FRMD7: variants seen among roughly 807,000 people sequenced by gnomAD.
FRMD7 encodes FERM domain containing 7.
Under a neutral mutation model 44.1 loss-of-function variants are expected in FRMD7, and 14 were observed. The observed-to-expected ratio is 0.32, with a 90% CI of 0.21 to 0.50. The LOEUF is 0.50. FRMD7 is among the 20% of genes least tolerant of loss of function. The pLI, the probability that FRMD7 is intolerant of heterozygous loss-of-function variation, is 0.99. For missense variants in FRMD7, 501 were observed against 522.3 expected (o/e 0.96, Z 0.40); for synonymous variants, 212 against 187.4 (o/e 1.13, Z -1.07).
At chrX:132,108,795 G>A (rs1569347013) in intron 1 of FRMD7, among the ~76,000 whole-genome samples, 1 of 111,100 alleles carries the variant, frequency 9.0e-6, no homozygotes, top group Non-Finnish European at 1.9e-5. Flanking sequence ...GATAGTGAGC[G>A]AGTCTCACAA....
chrX:132,100,839 G>A (rs978906316), intron 1 of FRMD7, 123 bp from the exon 2 acceptor site: 18 of 521,950 alleles, frequency 3.4e-5, no homozygotes, highest in Non-Finnish European at 4.7e-5. Flanking sequence ...CTGTTTAGAG[G>A]ACCTGCATCC....
At chrX:132,081,780 TTTATTA>T (rs995406195) in intron 9 of FRMD7, among the ~76,000 whole-genome samples, 3 of 112,170 alleles carry the variant, frequency 2.7e-5, no homozygotes, top group African/African-American at 9.7e-5. Flanking sequence ...TTTTTTTTAT[TTTATTA>T]TTATTATACT....
Position 132,127,820 on chromosome X carries a change from A to T in FRMD7, c.25T>A (p.Leu9Met). Residue 9 changes from leucine (L) to methionine (M), a missense_variant, in exon 1 of 12, where the codon TTG (leucine) becomes ATG (methionine). Around this residue, in one of 3 missense-constraint regions of FRMD7, gnomAD observed 24 missense variants for 21.6 expected, o/e 1.11. Coordinates refer to ENST00000298542, the MANE Select transcript of FRMD7 (RefSeq NM_194277.3). ...ACAAAAATCTTCTGGGAATCATCCA[A>T]AAACTGCACTTTTAAATGTAGCATT... MLHLKVQF[L>M]DDSQKIFVVD... The T allele has an allele frequency of 1.7e-6, 2 of 1,209,796 alleles. No individual in the cohort carries two copies.
intron 4 of FRMD7, among the ~76,000 whole-genome samples, chrX:132,096,716 CAAAA>C (rs34250894): frequency 7.2e-5 from 4 of 55,569 alleles, no homozygotes; most frequent in Admixed American, 2.6e-4. Context: ...GACCCTGTCT[CAAAA>C]AAAAAAAAAA....
In FRMD7 at chrX:132,078,351, T is replaced by C; in HGVS notation, c.1666A>G (p.Arg556Gly). 3 of 1,211,844 alleles carry C rather than the reference T, an allele frequency of 2.5e-6. No homozygotes were observed. Among genetic ancestry groups the C allele is most frequent in the Non-Finnish European group, 3.4e-6 (3 of 895,264 alleles). ...TTGATGTTGCTCCTACCGCTAGTCC[T>C]GGCTATAGCTTCTTGGAGTACTTGC... ...DLQVLQEAIA[R>G]TSGRSNINVG... Residue 556 changes from arginine to glycine, a missense_variant, in exon 12 of 12, where the codon AGG becomes GGG. This residue lies in a region of FRMD7 where 453 missense variants were observed against 452.7 expected (regional missense o/e 1.00). Coordinates refer to ENST00000298542, the MANE Select transcript of FRMD7 (RefSeq NM_194277.3).
intron 3 of FRMD7, among the ~76,000 whole-genome samples, chrX:132,099,174 C>T (rs952673933): frequency 2.7e-5 from 3 of 111,734 alleles, no homozygotes; most frequent in Non-Finnish European, 3.8e-5. Context: ...CAAGGATGCT[C>T]GAAGATTTGC....
chrX:132,094,059 AC>A lies in FRMD7; in HGVS notation c.364del (p.Val122TyrfsTer33). The stretch of plus-strand genomic sequence containing the variant: ...CTACTTACATTGTAAGATGTGAGAT[AC>A]CATCAACGCTGTACAGTTGTCACTG... ...PCSDNCTALM[V>X]SHILQSELGD... On this transcript the variant is annotated frameshift_variant, in exon 5 of 12. Transcript: ENST00000298542. LOFTEE classifies it high-confidence loss of function. The A allele has an allele frequency of 8.7e-7, 1 of 1,151,098 alleles. No individual in the cohort carries two copies. Among genetic ancestry groups the A allele is most frequent in the Non-Finnish European group, 1.2e-6 (1 of 840,233 alleles). 94.9% of individuals were successfully genotyped at this position (1,151,098 alleles called of 1,213,427 possible). A position where few individuals can be genotyped will look rare whatever the true frequency, so the allele number is the denominator to read the frequency against.
At chrX:132,099,552 G>A (rs371955421) in intron 2 of FRMD7, 42 bp from the exon 3 acceptor site, 1 of 1,023,080 alleles carries the variant, frequency 9.8e-7, no homozygotes, top group Admixed American at 2.3e-5. Context: ...GCATGGCATT[G>A]AGCAGAGCTT....
chrX:132,127,962 C>T lies in FRMD7; in HGVS notation c.-118G>A. On this transcript the variant is annotated 5_prime_UTR_variant, in exon 1 of 12. Coordinates refer to ENST00000298542, the MANE Select transcript of FRMD7 (RefSeq NM_194277.3). ...GCCCCCCCACCCCCAGCCAGGCATTCCCACTGTCAGCGGGGCACACTTCCG... is the reference window on the plus strand; with the variant it reads ...GCCCCCCCACCCCCAGCCAGGCATTTCCACTGTCAGCGGGGCACACTTCCG... The T allele has an allele frequency of 3.3e-6, 2 of 606,619 alleles. No individual in the cohort carries two copies. The highest frequency in any genetic ancestry group is 2.3e-5 in the Admixed American group (1 of 42,852). The allele number at this position is 606,619 out of a possible 1,213,427, so 50.0% of individuals were successfully genotyped here. A position where few individuals can be genotyped will look rare whatever the true frequency, so the allele number is the denominator to read the frequency against.
intron 1 of FRMD7, among the ~76,000 whole-genome samples, chrX:132,115,880 C>T (rs1238423733): frequency 9.1e-6 from 1 of 110,404 alleles, no homozygotes; most frequent in Non-Finnish European, 1.9e-5. Context: ...TTTGTAGATT[C>T]CTAGGAATAG....
At chrX:132,095,015 A>C (rs985196749) in intron 4 of FRMD7, among the ~76,000 whole-genome samples, 1 of 110,995 alleles carries the variant, frequency 9.0e-6, no homozygotes, top group African/African-American at 3.3e-5. Flanking sequence ...AAGACTACCT[A>C]CCACTAATTA....
intron 4 of FRMD7, among the ~76,000 whole-genome samples, chrX:132,095,504 C>A (rs769839262): frequency 8.9e-6 from 1 of 111,849 alleles, no homozygotes. Context: ...ACCAATTAAG[C>A]CTTGAAGGCA....
chrX:132,107,575 G>T (rs1478526382), intron 1 of FRMD7, among the ~76,000 whole-genome samples: 1 of 99,440 alleles, frequency 1.0e-5, no homozygotes, highest in Non-Finnish European at 2.0e-5. Context: ...TTTGTAAATG[G>T]CTGCCTTTTC....
At chrX:132,080,670 C>A (rs752179273) in intron 9 of FRMD7, among the ~76,000 whole-genome samples, 1 of 110,690 alleles carries the variant, frequency 9.0e-6, no homozygotes, top group Non-Finnish European at 1.9e-5. Context: ...AAAAATTACC[C>A]GGCCATGGTA....
chrX:132,084,507 G>T lies in FRMD7; in HGVS notation c.724C>A (p.Leu242Ile). The T allele has an allele frequency of 8.6e-7, 1 of 1,168,425 alleles. No individual in the cohort carries two copies. Among genetic ancestry groups the T allele is most frequent in the Non-Finnish European group, 1.2e-6 (1 of 855,891 alleles). The change falls in exon 8 of 12, where the codon CTT (leucine) becomes ATT (isoleucine). Residue 242 changes from leucine to isoleucine, a missense_variant. Physicochemically the swap from Leu to Ile is conservative, Grantham distance 5. Coordinates refer to ENST00000298542, the MANE Select transcript of FRMD7 (RefSeq NM_194277.3). ...SFKRKHFLIK[L>I]HANILVLCKD... is the part of the protein sequence containing the mutation. The stretch of plus-strand genomic sequence containing the variant: ...CTACTTACCAAGATATTGGCATGAA[G>T]TTTGATGAGAAAATGCTTTCTCTTA...
At chrX:132,086,522 C>T (rs891503303) in intron 5 of FRMD7, among the ~76,000 whole-genome samples, 2 of 110,354 alleles carry the variant, frequency 1.8e-5, no homozygotes, top group African/African-American at 6.6e-5. Flanking sequence ...AGCCTTAAAC[C>T]AATCTGACTG....
intron 1 of FRMD7, among the ~76,000 whole-genome samples, chrX:132,113,668 C>A (rs772106784): frequency 9.0e-6 from 1 of 110,684 alleles, no homozygotes. Context: ...ACATAGTAGT[C>A]GTATATATTT....
At chrX:132,096,938 G>A (rs775349843) in intron 4 of FRMD7, among the ~76,000 whole-genome samples, 5 of 111,017 alleles carry the variant, frequency 4.5e-5, no homozygotes, top group East Asian at 2.8e-4. Context: ...TATTATACCC[G>A]TGCTGTTAAG....
chrX:132,108,680 C>A (rs1472887417), intron 1 of FRMD7, among the ~76,000 whole-genome samples: 1 of 111,144 alleles, frequency 9.0e-6, no homozygotes, highest in Non-Finnish European at 1.9e-5. Flanking sequence ...GTTCTGTGTC[C>A]CCACCCAAAT....
Sources: allele counts gnomAD v4.1 joint callset (sites outside exome capture counted in the v4.1 genomes callset), GRCh38; gene constraint gnomAD v4.1.1; regional missense constraint gnomAD v4.1.1; transcripts MANE v1.5; gene names NCBI Gene and HGNC (gene_info 2026-07-23, HGNC 2026-07-21).